Variants in E2F3 observed in about 807,000 individuals in gnomAD.
E2F3 encodes transcription factor E2F3.
Under a neutral mutation model 44.4 loss-of-function variants are expected in E2F3, and 11 were observed. The observed-to-expected ratio is 0.25, with a 90% confidence interval of 0.16 to 0.41. E2F3 has a LOEUF of 0.41. E2F3 is among the 10% of genes least tolerant of loss of function. The pLI, the probability that E2F3 is intolerant of heterozygous loss-of-function variation, is 1.00. For missense variants in E2F3, 487 were observed against 583.6 expected, an observed-to-expected ratio of 0.83 and a Z score of 1.70; for synonymous variants, 249 against 253.0, an observed-to-expected ratio of 0.98 and a Z score of 0.15.
rs761673782 is a variant in E2F3, at chr6:20,490,160, C to G, written c.1136-8C>G. On this transcript the variant is annotated splice_polypyrimidine_tract_variant and splice_region_variant and intron_variant, in intron 6 of 6. Transcript: ENST00000346618. The surrounding 1 kb of genome is among the most constrained non-coding windows in gnomAD (Gnocchi z 4.3). ...TATTTTTTGTTTCCATCAATGTTTTCTTTTCAGACTTGGCTTCAACCAACT... is the reference window on the plus strand; with the variant it reads ...TATTTTTTGTTTCCATCAATGTTTTGTTTTCAGACTTGGCTTCAACCAACT... The G allele has an allele frequency of 6.4e-7, 1 of 1,551,728 alleles. No individual in the cohort carries two copies. Among genetic ancestry groups the G allele is most frequent in the African/African-American group, 1.4e-5 (1 of 72,196 alleles).
At chr6:20,458,294 A>G (rs9465753) in intron 1 of E2F3, among the ~76,000 whole-genome samples, 8,093 of 152,160 alleles carry the variant, frequency 0.053, 689 homozygotes, top group African/African-American at 0.18. Context: ...TTCTACTTTC[A>G]TGGTTGTGTC....
intron 1 of E2F3, among the ~76,000 whole-genome samples, chr6:20,408,033 G>T (rs1759547593): frequency 6.6e-6 from 1 of 152,212 alleles, no homozygotes; most frequent in Non-Finnish European, 1.5e-5. Flanking sequence ...TACTAAGTAC[G>T]TGGTTTAATG....
chr6:20,409,036 C>T (rs1759580734), intron 1 of E2F3, among the ~76,000 whole-genome samples: 1 of 152,156 alleles, frequency 6.6e-6, no homozygotes, highest in Non-Finnish European at 1.5e-5. Flanking sequence ...ATTACTTGCC[C>T]AAGGTCACAG....
At position 20,438,683 on chromosome 6, in the gene E2F3, A is replaced by T. The variant is rs150280867; in HGVS notation, c.393+36058A>T. On this transcript the variant is annotated intron_variant, in intron 1 of 6. Coordinates refer to ENST00000346618, the MANE Select transcript of E2F3 (RefSeq NM_001949.5). ...GCACAGCTTTGGCTGCACAGATTGGAAGGGAATCTGGTAATTACACTCTTT... is the reference window on the plus strand; with the variant it reads ...GCACAGCTTTGGCTGCACAGATTGGTAGGGAATCTGGTAATTACACTCTTT... Among the ~76,000 whole-genome samples, 569 of 152,298 alleles carry T rather than the reference A, an allele frequency of 3.7e-3. 3 individuals are homozygous for T. Among genetic ancestry groups the T allele is most frequent in the African/African-American group, 0.013 (536 of 41,566 alleles).
chr6:20,460,608 A>C (rs1371942038), intron 1 of E2F3, among the ~76,000 whole-genome samples: 2 of 152,198 alleles, frequency 1.3e-5, no homozygotes, highest in African/African-American at 2.4e-5. Context: ...TAGTGCTATA[A>C]TAAACATCCT....
At chr6:20,464,488 C>G (rs1284827347) in intron 1 of E2F3, among the ~76,000 whole-genome samples, 1 of 152,212 alleles carries the variant, frequency 6.6e-6, no homozygotes, top group Non-Finnish European at 1.5e-5. Flanking sequence ...GACATCACCC[C>G]CAGACAGCAT....
intron 1 of E2F3, among the ~76,000 whole-genome samples, chr6:20,473,079 T>G (rs972941311): frequency 6.6e-6 from 1 of 152,356 alleles, no homozygotes; most frequent in Admixed American, 6.5e-5. Flanking sequence ...AGTAACTTCA[T>G]AGTGCTTGCC....
intron 1 of E2F3, among the ~76,000 whole-genome samples, chr6:20,444,233 G>A (rs1760866304): frequency 2.0e-5 from 3 of 152,198 alleles, no homozygotes; most frequent in Admixed American, 1.3e-4. Flanking sequence ...CAGCTAGATT[G>A]TAAGGTTTTT....
intron 1 of E2F3, chr6:20,421,968 A>C (rs920202428): frequency 6.6e-6 from 1 of 152,272 alleles, no homozygotes; most frequent in Non-Finnish European, 1.5e-5. Context: ...CACCAATTGC[A>C]TTAGCCCCTA....
At chr6:20,466,815 G>A (rs1182213058) in intron 1 of E2F3, among the ~76,000 whole-genome samples, 1 of 151,864 alleles carries the variant, frequency 6.6e-6, no homozygotes, top group African/African-American at 2.4e-5. Context: ...CCAAGTAGCT[G>A]GGATTTCAGC....
chr6:20,437,176 T>C (rs749418916), intron 1 of E2F3, among the ~76,000 whole-genome samples: 8 of 152,188 alleles, frequency 5.3e-5, no homozygotes, highest in Admixed American at 1.3e-4. Flanking sequence ...TACTGAGAAA[T>C]AGAAGTCCCT....
intron 1 of E2F3, among the ~76,000 whole-genome samples, chr6:20,473,277 A>G (rs1761949856): frequency 1.3e-5 from 2 of 152,212 alleles, no homozygotes; most frequent in Admixed American, 1.3e-4. Context: ...TTTACATGGG[A>G]CTTTTCACAA....
Position 20,490,060 on chromosome 6 carries a change from T to C in E2F3, c.1136-108T>C. On this transcript the variant is annotated intron_variant, in intron 6 of 6. Coordinates refer to ENST00000346618, the MANE Select transcript of E2F3 (RefSeq NM_001949.5). The surrounding 1 kb of genome is among the most constrained non-coding windows in gnomAD (Gnocchi z 4.3). ...CATAAAGTCGTCTCATTGTCATTAT[T>C]TGCGGAAGGTACATGCTTTTTTCTA... 1 of 1,241,370 alleles carries C rather than the reference T, an allele frequency of 8.1e-7. No homozygotes were observed. The highest frequency in any genetic ancestry group is 1.1e-6 in the Non-Finnish European group (1 of 905,170). The allele number at this position is 1,241,370 out of a possible 1,614,324, so 76.9% of individuals were successfully genotyped here.
chr6:20,411,279 G>A (rs1759661509), intron 1 of E2F3, among the ~76,000 whole-genome samples: 1 of 152,194 alleles, frequency 6.6e-6, no homozygotes, highest in African/African-American at 2.4e-5. Flanking sequence ...CAGGGTGTCT[G>A]AGCTGCTGGG....
At chr6:20,403,669 C>A in intron 1 of E2F3, 1 of 545,366 alleles carries the variant, frequency 1.8e-6, no homozygotes, top group Non-Finnish European at 3.1e-6. Flanking sequence ...CCCTCGCACC[C>A]GCCCCCGGCA....
chr6:20,448,611 TG>T (rs1761025262), intron 1 of E2F3, among the ~76,000 whole-genome samples: 1 of 152,220 alleles, frequency 6.6e-6, no homozygotes, highest in African/African-American at 2.4e-5. Flanking sequence ...ATACTCCATG[TG>T]GTGTATTTTA....
chr6:20,424,959 T>C (rs902407065), intron 1 of E2F3, among the ~76,000 whole-genome samples: 1 of 152,214 alleles, frequency 6.6e-6, no homozygotes, highest in Admixed American at 6.5e-5. Flanking sequence ...CGTGGGGTTT[T>C]CTCACATGAC....
At chr6:20,435,386 T>C (rs1489276396) in intron 1 of E2F3, among the ~76,000 whole-genome samples, 1 of 152,204 alleles carries the variant, frequency 6.6e-6, no homozygotes, top group Non-Finnish European at 1.5e-5. Context: ...CACTTTAACA[T>C]ACTAAAAGTT....
chr6:20,424,374 AGT>A (rs1760137403), intron 1 of E2F3, among the ~76,000 whole-genome samples: 1 of 72,788 alleles, frequency 1.4e-5, no homozygotes, highest in Admixed American at 1.8e-4. Flanking sequence ...ACACAGAGAG[AGT>A]GTGTGTATGT....
Sources: allele counts gnomAD v4.1 joint callset (sites outside exome capture counted in the v4.1 genomes callset), GRCh38; gene constraint gnomAD v4.1.1; non-coding constraint Gnocchi (gnomAD v3.1); transcripts MANE v1.5; gene names NCBI Gene and HGNC (gene_info 2026-07-23, HGNC 2026-07-21).